The following LRP1B variants were observed in gnomAD, a reference collection of about 807,000 sequenced individuals.
LRP1B encodes low-density lipoprotein receptor-related protein 1B.
LRP1B carries 217 observed loss-of-function variants against 556.6 expected under a neutral mutation model. That is an observed-to-expected ratio of 0.39 (90% confidence interval 0.35 to 0.44). The LOEUF (loss-of-function observed/expected upper bound fraction) is 0.44. LRP1B is among the 20% of genes least tolerant of loss of function. The probability of loss-of-function intolerance (pLI) is 1.00; values close to 1 mark genes in which losing one functional copy is unlikely to be tolerated. For synonymous variants in LRP1B, 2,047 were observed against 1,865.8 expected, an observed-to-expected ratio of 1.10 and a Z score of -2.50; for missense variants, 5,053 against 5,620.8, an observed-to-expected ratio of 0.90 and a Z score of 3.23.
chr2:141,076,157 G>C (rs1271222164), intron 7 of LRP1B, among the ~76,000 whole-genome samples: 1 of 152,156 alleles, frequency 6.6e-6, no homozygotes, highest in Non-Finnish European at 1.5e-5. Context: ...CAGGAATGCA[G>C]TATCAACCTC....
At chr2:141,689,555 T>C (rs1691437298) in intron 2 of LRP1B, among the ~76,000 whole-genome samples, 1 of 149,156 alleles carries the variant, frequency 6.7e-6, no homozygotes, top group Non-Finnish European at 1.5e-5. Context: ...TTGTATATTG[T>C]ATATATAAGG....
intron 77 of LRP1B, among the ~76,000 whole-genome samples, chr2:140,345,787 TAC>T (rs1457461783): frequency 8.6e-6 from 1 of 115,690 alleles, no homozygotes; most frequent in Non-Finnish European, 1.9e-5. Context: ...TACATATATA[TAC>T]ACATATATAC....
intron 3 of LRP1B, among the ~76,000 whole-genome samples, chr2:141,457,957 A>G (rs1452959614): frequency 2.0e-5 from 3 of 152,202 alleles, no homozygotes; most frequent in Non-Finnish European, 4.4e-5. Flanking sequence ...GTCAAAGGGA[A>G]TCAGTAGTTA....
chr2:141,978,138 T>G (rs886160686), intron 1 of LRP1B, among the ~76,000 whole-genome samples: 7 of 152,104 alleles, frequency 4.6e-5, no homozygotes, highest in Admixed American at 2.0e-4. Context: ...AAGAACAAAT[T>G]TTGCAATTGT....
chr2:141,315,865 T>C (rs1687010017), intron 3 of LRP1B, among the ~76,000 whole-genome samples: 1 of 132,322 alleles, frequency 7.6e-6, no homozygotes. Context: ...CAGAAAATCC[T>C]CTATCTTTAG....
At chr2:140,312,128 C>T (rs1031127198) in intron 83 of LRP1B, among the ~76,000 whole-genome samples, 1 of 151,906 alleles carries the variant, frequency 6.6e-6, no homozygotes, top group Non-Finnish European at 1.5e-5. Flanking sequence ...GCTACAATGA[C>T]AGCTTCTGCC....
chr2:140,503,636 T>C (rs1689288044), intron 53 of LRP1B, among the ~76,000 whole-genome samples: 1 of 152,108 alleles, frequency 6.6e-6, no homozygotes, highest in South Asian at 2.1e-4. Flanking sequence ...ATCCTACATC[T>C]TGATTCTTAG....
intron 10 of LRP1B, among the ~76,000 whole-genome samples, chr2:141,052,676 G>A (rs1699070456): frequency 6.6e-6 from 1 of 151,886 alleles, no homozygotes; most frequent in South Asian, 2.1e-4. Context: ...TGGGAATCCT[G>A]GTTTTACAGC....
At chr2:140,886,560 T>C (rs112437389) in intron 23 of LRP1B, among the ~76,000 whole-genome samples, 1 of 152,032 alleles carries the variant, frequency 6.6e-6, no homozygotes, top group Non-Finnish European at 1.5e-5. Context: ...GATTTACATA[T>C]ACCTGATACT....
intron 2 of LRP1B, among the ~76,000 whole-genome samples, chr2:141,620,751 T>C (rs1688478286): frequency 6.6e-6 from 1 of 152,180 alleles, no homozygotes. Flanking sequence ...TGTTTTGTTT[T>C]TTTCTTTTTT....
At chr2:140,820,877 A>G (rs1006459103) in intron 31 of LRP1B, among the ~76,000 whole-genome samples, 4 of 151,094 alleles carry the variant, frequency 2.6e-5, no homozygotes, top group Non-Finnish European at 5.9e-5. Context: ...TTCTGCTGAT[A>G]CTAAGGAAAG....
chr2:141,770,349 G>T (rs1300100840), intron 2 of LRP1B, among the ~76,000 whole-genome samples: 1 of 152,058 alleles, frequency 6.6e-6, no homozygotes, highest in Non-Finnish European at 1.5e-5. Context: ...GTTAATCTAA[G>T]AGAATTGGAC....
chr2:140,356,364 G>A lies in LRP1B; in HGVS notation c.11508C>T (p.Asn3836=), dbSNP rs1405566600. 1.2e-6 allele frequency: 2 copies of A among 1,610,796 alleles called. No homozygotes were observed. The highest frequency in any genetic ancestry group is 1.7e-6 in the Non-Finnish European group (2 of 1,177,838). ...FCRCKPGFQR[N]MKNRQCEDLN... ...TACCTTCACATTGTCTGTTTTTCAT[G>A]TTTCTCTGAAATCCAGGCTTACAGC... Residue 3836 remains asparagine, a synonymous_variant, in exon 75 of 91, where the codon AAC becomes AAT. Transcript: ENST00000389484.
intron 1 of LRP1B, among the ~76,000 whole-genome samples, chr2:141,883,536 G>A (rs867253265): frequency 2.0e-5 from 3 of 152,038 alleles, no homozygotes; most frequent in Non-Finnish European, 4.4e-5. Flanking sequence ...ATGAGCCAAC[G>A]TAGCAAGACC....
intron 23 of LRP1B, among the ~76,000 whole-genome samples, chr2:140,887,832 GT>G (rs1693683923): frequency 6.6e-6 from 1 of 152,146 alleles, no homozygotes; most frequent in African/African-American, 2.4e-5. Context: ...TATATGAAAT[GT>G]CCAGAATAGG....
At chr2:141,601,608 T>C (rs992739024) in intron 2 of LRP1B, among the ~76,000 whole-genome samples, 5 of 66,640 alleles carry the variant, frequency 7.5e-5, no homozygotes, top group African/African-American at 2.1e-4. Flanking sequence ...CTTTCCTTCC[T>C]TCCTTCCTTC....
At chr2:142,103,766 T>C (rs768960099) in intron 1 of LRP1B, among the ~76,000 whole-genome samples, 1 of 151,722 alleles carries the variant, frequency 6.6e-6, no homozygotes, top group Non-Finnish European at 1.5e-5. Context: ...AGCTAGAATA[T>C]ATCACAAAAT....
At chr2:141,736,079 T>A (rs1228874319) in intron 2 of LRP1B, among the ~76,000 whole-genome samples, 1 of 152,136 alleles carries the variant, frequency 6.6e-6, no homozygotes, top group Non-Finnish European at 1.5e-5. Context: ...TCACCCACTC[T>A]CTCTAGGGGC....
In LRP1B at chr2:141,884,291, G is replaced by T. The variant is rs560086785; in HGVS notation, c.83-73890C>A. Among the ~76,000 whole-genome samples, 37 of 152,252 alleles carry T rather than the reference G, an allele frequency of 2.4e-4. No individual in the cohort carries two copies. The East Asian group carries it at 6.4e-3, about 26-fold the overall frequency. ...CTTGCAAGGCTGAGGCGGTAGGATTGCTTGAGCCCAGAAGTCGAGACTGTA... is the reference window on the plus strand; with the variant it reads ...CTTGCAAGGCTGAGGCGGTAGGATTTCTTGAGCCCAGAAGTCGAGACTGTA... On this transcript the variant is annotated intron_variant, in intron 1 of 90. Coordinates refer to ENST00000389484, the MANE Select transcript of LRP1B (RefSeq NM_018557.3).
Sources: gnomAD v4.1 joint callset for allele counts (sites outside exome capture counted in the v4.1 genomes callset) on GRCh38, gnomAD v4.1.1 for gene constraint, MANE v1.5 for transcripts, NCBI Gene and HGNC (gene_info 2026-07-23, HGNC 2026-07-21) for gene names.